ARHGEF18: variants seen among roughly 807,000 people sequenced by gnomAD.
ARHGEF18 encodes Rho/Rac guanine nucleotide exchange factor 18, also known as rho guanine nucleotide exchange factor 18.
A neutral mutation model predicts 155.7 loss-of-function variants in ARHGEF18; 93 were observed. That is an observed-to-expected ratio of 0.60 (90% CI 0.50 to 0.71). ARHGEF18 has a LOEUF of 0.71. Ranked by LOEUF, ARHGEF18 falls within the 30% of genes least tolerant of loss-of-function variation. The pLI is 0.00. For synonymous variants in ARHGEF18, 742 were observed against 753.1 expected (o/e 0.99, Z 0.24); for missense variants, 1,593 against 1,816.1 (o/e 0.88, Z 2.23).
At chr19:7,420,285 C>A (rs1014801156) in intron 10 of ARHGEF18, among the ~76,000 whole-genome samples, 2 of 152,170 alleles carry the variant, frequency 1.3e-5, no homozygotes, top group East Asian at 3.8e-4. Context: ...TATTTTGAGA[C>A]AGGATCTTGC....
chr19:7,473,266 C>T, downstream of ARHGEF18: 1 of 456,186 alleles, frequency 2.2e-6, no homozygotes, highest in Non-Finnish European at 4.4e-6. Context: ...CGATCACTAG[C>T]TCACTAGGAA....
At chr19:7,412,865 G>A (rs778820911) in intron 10 of ARHGEF18, among the ~76,000 whole-genome samples, 13 of 152,046 alleles carry the variant, frequency 8.6e-5, no homozygotes, top group South Asian at 2.1e-4. Context: ...CTGACTGGTC[G>A]TTTGTATCTC....
intron 3 of ARHGEF18, 25 bp downstream of exon 3, chr19:7,373,096 T>G: frequency 8.1e-7 from 1 of 1,234,444 alleles, no homozygotes; most frequent in Non-Finnish European, 1.0e-6. Flanking sequence ...GCTGCCTGCT[T>G]CCCACAATGC....
intron 3 of ARHGEF18, among the ~76,000 whole-genome samples, chr19:7,374,051 T>C (rs897258566): frequency 6.6e-6 from 1 of 151,960 alleles, no homozygotes; most frequent in Admixed American, 6.6e-5. Flanking sequence ...TGAGTCACCA[T>C]GCCGGGCCCC....
chr19:7,399,812 A>G (rs1405324681), intron 10 of ARHGEF18, among the ~76,000 whole-genome samples: 1 of 144,234 alleles, frequency 6.9e-6, no homozygotes, highest in Non-Finnish European at 1.5e-5. Flanking sequence ...CGCTCTTATC[A>G]CCTGGGCTGG....
chr19:7,455,228 C>A (rs945464568), intron 17 of ARHGEF18, among the ~76,000 whole-genome samples: 2 of 152,088 alleles, frequency 1.3e-5, no homozygotes, highest in Non-Finnish European at 2.9e-5. Context: ...TAGGAATACA[C>A]CCCACCGGGC....
intron 17 of ARHGEF18, 32 bp downstream of exon 17, chr19:7,453,747 G>T (rs1349500273): frequency 1.3e-6 from 2 of 1,512,074 alleles, no homozygotes; most frequent in South Asian, 2.7e-5. Flanking sequence ...CCTCTAGTGG[G>T]TGCCATCTTG....
Position 7,441,996 on chromosome 19 carries a change from C to T in ARHGEF18, c.1304C>T (p.Ala435Val). 1 of 1,614,144 alleles carries T rather than the reference C, an allele frequency of 6.2e-7. No homozygotes were observed. Among genetic ancestry groups the T allele is most frequent in the Non-Finnish European group, 8.5e-7 (1 of 1,180,040 alleles). ...EAESWSLAVD[A>V]AYAKKQKREV... ...GAGTCCTGGAGCCTCGCCGTGGATG[C>T]AGCCTACGCCAAGAAGCAAAAGAGG... The change falls in exon 13 of 29, where the codon GCA becomes GTA. Residue 435 changes from alanine (A) to valine (V), a missense_variant. Transcript: ENST00000668164.
intron 1 of ARHGEF18, among the ~76,000 whole-genome samples, chr19:7,351,663 T>A (rs1969160074): frequency 6.7e-6 from 1 of 149,658 alleles, no homozygotes; most frequent in African/African-American, 2.5e-5. Flanking sequence ...CATCCCTGTA[T>A]CATATGCTAC....
intron 22 of ARHGEF18, among the ~76,000 whole-genome samples, chr19:7,464,230 G>A (rs2145896145): frequency 6.6e-6 from 1 of 152,160 alleles, no homozygotes; most frequent in South Asian, 2.1e-4. Flanking sequence ...TAGAAATGGG[G>A]TTTCACCATG....
intron 2 of ARHGEF18, among the ~76,000 whole-genome samples, chr19:7,368,020 C>T (rs113458664): frequency 1.1e-5 from 1 of 95,180 alleles, no homozygotes; most frequent in African/African-American, 5.3e-5. Context: ...GGAGGGAGGG[C>T]GGAAGGAAGG....
chr19:7,467,775 G>T (rs1378895849), intron 26 of ARHGEF18, 91 bp downstream of exon 26: 3 of 1,279,366 alleles, frequency 2.3e-6, no homozygotes, highest in African/African-American at 1.6e-5. Flanking sequence ...GGGTTCGCGG[G>T]TGCATGCGTG....
intron 18 of ARHGEF18, 103 bp from the exon 19 acceptor site, chr19:7,458,409 C>A (rs1202199214): frequency 9.6e-7 from 1 of 1,038,466 alleles, no homozygotes; most frequent in Admixed American, 2.7e-5. Flanking sequence ...AAATGAGGAG[C>A]GTGACCCCCA....
In ARHGEF18 at chr19:7,395,271, C is replaced by A. The variant is rs1282072978; in HGVS notation, c.967+12068C>A. 2 of 985,948 alleles carry A rather than the reference C, an allele frequency of 2.0e-6. No homozygotes were observed. 61.1% of individuals were successfully genotyped at this position (985,948 alleles called of 1,614,324 possible). A position where few individuals can be genotyped will look rare whatever the true frequency, so the allele number is the denominator to read the frequency against. ...AGGTGAGGACGGCGGCGGGGCGGTCCCGAGGAAAACGGGGCTCAGGAGGGG... is the reference window on the plus strand; with the variant it reads ...AGGTGAGGACGGCGGCGGGGCGGTCACGAGGAAAACGGGGCTCAGGAGGGG... On this transcript the variant is annotated intron_variant, in intron 10 of 28. Coordinates refer to ENST00000668164, the MANE Select transcript of ARHGEF18 (RefSeq NM_001367823.1). This position sits in a 1 kb window ranked among gnomAD's most constrained non-coding sequence, Gnocchi z 5.0.
intron 23 of ARHGEF18, among the ~76,000 whole-genome samples, chr19:7,465,566 CCTGA>C (rs1976562043): frequency 6.6e-6 from 1 of 152,088 alleles, no homozygotes; most frequent in Non-Finnish European, 1.5e-5. Context: ...CGCCCCCACA[CCTGA>C]CTAATTTTTT....
intron 10 of ARHGEF18, among the ~76,000 whole-genome samples, chr19:7,402,809 T>A (rs1972086176): frequency 6.6e-6 from 1 of 152,064 alleles, no homozygotes; most frequent in Non-Finnish European, 1.5e-5. Flanking sequence ...GGTTACAAAG[T>A]GTGTCTGTAC....
At chr19:7,352,940 G>A (rs559776768) in intron 1 of ARHGEF18, among the ~76,000 whole-genome samples, 12 of 132,508 alleles carry the variant, frequency 9.1e-5, no homozygotes, top group Admixed American at 4.3e-4. Context: ...AGGTTCAAGC[G>A]ATTCTCCTGC....
chr19:7,354,621 A>G (rs370478811), intron 1 of ARHGEF18, among the ~76,000 whole-genome samples: 7 of 151,908 alleles, frequency 4.6e-5, no homozygotes, highest in Admixed American at 4.6e-4. Context: ...ACAGAGAGAA[A>G]GGTGATGTGG....
chr19:7,465,866 C>G (rs1428021338), intron 23 of ARHGEF18, among the ~76,000 whole-genome samples: 1 of 151,850 alleles, frequency 6.6e-6, no homozygotes, highest in Non-Finnish European at 1.5e-5. Context: ...CGGGTGATCA[C>G]TTGAGTCCAG....
Sources: gnomAD v4.1 joint callset for allele counts (sites outside exome capture counted in the v4.1 genomes callset) on GRCh38, gnomAD v4.1.1 for gene constraint, Gnocchi (gnomAD v3.1) non-coding constraint, MANE v1.5 for transcripts, NCBI Gene and HGNC (gene_info 2026-07-23, HGNC 2026-07-21) for gene names.